Variants in ZNF385D observed in about 807,000 individuals in gnomAD.
ZNF385D encodes the protein zinc finger protein 385D.
In ZNF385D, 15 loss-of-function variants were observed where a neutral mutation model predicts 35.8. The observed-to-expected ratio is 0.42, with a 90% CI of 0.28 to 0.64. The LOEUF is 0.64. ZNF385D is among the 30% of genes least tolerant of loss of function. The pLI is 0.23. For missense variants in ZNF385D, 474 were observed against 494.6 expected, an observed-to-expected ratio of 0.96 and a Z score of 0.39; for synonymous variants, 212 against 186.8, an observed-to-expected ratio of 1.13 and a Z score of -1.10.
At chr3:22,043,821 C>G (rs1001118045) in intron 3 of ZNF385D, among the ~76,000 whole-genome samples, 12 of 152,054 alleles carry the variant, frequency 7.9e-5, no homozygotes, top group African/African-American at 2.9e-4. Flanking sequence ...GAAAATCTTG[C>G]TTGCTCTCTC....
intron 3 of ZNF385D, among the ~76,000 whole-genome samples, chr3:21,962,579 T>C (rs948583154): frequency 1.3e-5 from 2 of 152,202 alleles, no homozygotes; most frequent in African/African-American, 2.4e-5. Context: ...ACATAAAATA[T>C]GGAAGTACTG....
intron 2 of ZNF385D, among the ~76,000 whole-genome samples, chr3:21,614,800 G>A (rs1246169507): frequency 6.6e-6 from 1 of 152,202 alleles, no homozygotes; most frequent in Non-Finnish European, 1.5e-5. Flanking sequence ...TGTTGGCCAG[G>A]ATGGTCTCAA....
At chr3:21,843,613 T>C in intron 3 of ZNF385D, among the ~76,000 whole-genome samples, 1 of 151,960 alleles carries the variant, frequency 6.6e-6, no homozygotes. Flanking sequence ...GATACTGTAC[T>C]AGGCACTTCA....
intron 3 of ZNF385D, among the ~76,000 whole-genome samples, chr3:22,025,714 T>C (rs1035671344): frequency 1.3e-5 from 2 of 152,282 alleles, no homozygotes; most frequent in East Asian, 1.9e-4. Context: ...GAGGAAGGGA[T>C]CCAAAGGCTT....
intron 3 of ZNF385D, among the ~76,000 whole-genome samples, chr3:21,831,309 G>C: frequency 6.6e-6 from 1 of 152,224 alleles, no homozygotes; most frequent in East Asian, 1.9e-4. Flanking sequence ...CTTACCTCAC[G>C]GGAATGCTAT....
At chr3:21,470,730 C>T (rs1703829267) in intron 4 of ZNF385D, among the ~76,000 whole-genome samples, 1 of 152,014 alleles carries the variant, frequency 6.6e-6, no homozygotes, top group Admixed American at 6.6e-5. Flanking sequence ...GACGTGTCCT[C>T]TAGGTTTGAC....
intron 3 of ZNF385D, among the ~76,000 whole-genome samples, chr3:21,817,023 A>C (rs1323467805): frequency 6.6e-6 from 1 of 152,316 alleles, no homozygotes; most frequent in East Asian, 1.9e-4. Context: ...CCTCAGAAAT[A>C]ATACCACACA....
chr3:21,577,821 T>C (rs2063538119), intron 2 of ZNF385D, among the ~76,000 whole-genome samples: 1 of 151,382 alleles, frequency 6.6e-6, no homozygotes, highest in Non-Finnish European at 1.5e-5. Context: ...TCTTTTTTTT[T>C]TTTTTCGAGA....
rs185071288 is a variant in ZNF385D at position 22,244,174 on chromosome 3, A to T, written c.107-75139T>A. Among the ~76,000 whole-genome samples, 201 of 150,512 alleles carry T rather than the reference A, an allele frequency of 1.3e-3. 12 individuals carry two copies. Among genetic ancestry groups the T allele is most frequent in the African/African-American group, 4.7e-3 (193 of 40,646 alleles). On this transcript the variant is annotated intron_variant, in intron 2 of 5. Coordinates refer to the ZNF385D transcript ENST00000494108. ...TGCAAGAACCTTCTTAAGGGGATTT[A>T]AAAAAAGCCATTATTAAACTTTTTC...
At chr3:21,821,543 G>A (rs959467695) in intron 3 of ZNF385D, among the ~76,000 whole-genome samples, 19 of 151,980 alleles carry the variant, frequency 1.3e-4, no homozygotes, top group Non-Finnish European at 2.9e-5. Flanking sequence ...ACAAAAAATT[G>A]GGCAATGGCT....
chr3:21,828,814 C>T (rs1032716731), intron 3 of ZNF385D, among the ~76,000 whole-genome samples: 11 of 152,266 alleles, frequency 7.2e-5, no homozygotes, highest in Non-Finnish European at 1.3e-4. Flanking sequence ...TAGGCTTTAG[C>T]GGACAATTAA....
At chr3:21,927,613 C>A (rs1051553638) in intron 3 of ZNF385D, among the ~76,000 whole-genome samples, 3 of 152,078 alleles carry the variant, frequency 2.0e-5, no homozygotes, top group Non-Finnish European at 4.4e-5. Context: ...GATTTAAAAA[C>A]ACAAATATGT....
At chr3:22,086,939 G>C (rs553769325) in intron 3 of ZNF385D, among the ~76,000 whole-genome samples, 87 of 152,132 alleles carry the variant, frequency 5.7e-4, no homozygotes, top group African/African-American at 2.0e-3. Context: ...GTCGTGGGGT[G>C]GGGGGAGAGG....
intron 2 of ZNF385D, among the ~76,000 whole-genome samples, chr3:22,355,257 TAG>T (rs1471913184): frequency 6.6e-6 from 1 of 152,066 alleles, no homozygotes; most frequent in East Asian, 1.9e-4. Flanking sequence ...AAATACATTG[TAG>T]AAGAAATTCC....
chr3:21,894,909 C>T (rs912250025), intron 3 of ZNF385D, among the ~76,000 whole-genome samples: 42 of 143,514 alleles, frequency 2.9e-4, no homozygotes, highest in Middle Eastern at 3.7e-3. Context: ...ACCAGGAGCT[C>T]ATGGCAAAGA....
intron 3 of ZNF385D, among the ~76,000 whole-genome samples, chr3:21,920,018 T>C (rs1453174474): frequency 6.6e-6 from 1 of 152,200 alleles, no homozygotes; most frequent in Non-Finnish European, 1.5e-5. Flanking sequence ...TGAAATCATT[T>C]CCAGGGGTTG....
upstream of ZNF385D, among the ~76,000 whole-genome samples, chr3:21,751,934 T>C (rs2070106956): frequency 6.6e-6 from 1 of 151,362 alleles, no homozygotes; most frequent in Admixed American, 6.6e-5. Context: ...ACGATTAGCC[T>C]GAAAGGCAAC....
intron 3 of ZNF385D, among the ~76,000 whole-genome samples, chr3:21,997,347 C>T (rs1415468724): frequency 2.0e-5 from 3 of 151,824 alleles, no homozygotes; most frequent in African/African-American, 4.8e-5. Context: ...TGGGGTCTGT[C>T]GTGTGGTGGG....
intron 2 of ZNF385D, among the ~76,000 whole-genome samples, chr3:21,608,023 G>GTTTTTTTTTTT (rs572518584): frequency 1.7e-5 from 2 of 120,220 alleles, no homozygotes; most frequent in African/African-American, 6.4e-5. Flanking sequence ...TTTTTTTTTT[G>GTTTTTTTTTTT]TTTTTTTTTT....
Sources: allele counts gnomAD v4.1 joint callset (sites outside exome capture counted in the v4.1 genomes callset), GRCh38; gene constraint gnomAD v4.1.1; transcripts MANE v1.5; gene names NCBI Gene and HGNC (gene_info 2026-07-23, HGNC 2026-07-21).